CTNNA3: variants seen among roughly 807,000 people sequenced by gnomAD.
CTNNA3 encodes catenin alpha 3.
A neutral mutation model predicts 95.7 loss-of-function variants in CTNNA3; 76 were observed. The ratio of observed to expected loss-of-function variants is 0.79; its 90% CI spans 0.66 to 0.96. The LOEUF is 0.96. Among genes scored for constraint, CTNNA3 ranks in the 40% least tolerant of loss-of-function variants. The probability of loss-of-function intolerance (pLI) is 0.00; values close to 1 mark genes in which losing one functional copy is unlikely to be tolerated. For missense variants in CTNNA3, 1,191 were observed against 1,089.8 expected, an observed-to-expected ratio of 1.09 and a Z score of -1.31; for synonymous variants, 431 against 374.4, an observed-to-expected ratio of 1.15 and a Z score of -1.74.
chr10:66,076,193 G>A (rs947946225), intron 14 of CTNNA3, among the ~76,000 whole-genome samples: 3 of 151,542 alleles, frequency 2.0e-5, no homozygotes, highest in African/African-American at 4.8e-5. Flanking sequence ...TGACATGTAC[G>A]TGTTTTCTTA....
intron 3 of CTNNA3, among the ~76,000 whole-genome samples, chr10:67,579,576 G>C (rs945086436): frequency 5.3e-5 from 8 of 152,116 alleles, no homozygotes; most frequent in African/African-American, 1.7e-4. Context: ...CCCAGTAATG[G>C]GGTCACTGGG....
chr10:66,959,348 T>C (rs889869406), intron 7 of CTNNA3, among the ~76,000 whole-genome samples: 1 of 152,202 alleles, frequency 6.6e-6, no homozygotes, highest in African/African-American at 2.4e-5. Context: ...AGGATTTCTA[T>C]TTTTATTCCT....
chr10:66,244,333 G>A (rs2090222955), intron 13 of CTNNA3, among the ~76,000 whole-genome samples: 1 of 152,228 alleles, frequency 6.6e-6, no homozygotes, highest in Non-Finnish European at 1.5e-5. Flanking sequence ...CCACCCGGAA[G>A]GGAAGGACAT....
chr10:66,402,651 T>C (rs2093029624), intron 11 of CTNNA3, among the ~76,000 whole-genome samples: 1 of 152,198 alleles, frequency 6.6e-6, no homozygotes, highest in Admixed American at 6.5e-5. Context: ...ATGGAAATTC[T>C]AGGAACCTAG....
At chr10:66,018,257 C>T (rs534913642) in intron 15 of CTNNA3, among the ~76,000 whole-genome samples, 7 of 148,252 alleles carry the variant, frequency 4.7e-5, no homozygotes, top group Non-Finnish European at 8.9e-5. Context: ...GCAGAAGTAT[C>T]GAGTATATAA....
At chr10:67,032,014 T>C (rs527673436) in intron 7 of CTNNA3, among the ~76,000 whole-genome samples, 1 of 152,332 alleles carries the variant, frequency 6.6e-6, no homozygotes, top group South Asian at 2.1e-4. Flanking sequence ...ATAAAATGGT[T>C]TATGGCCATG....
chr10:66,719,040 A>C (rs1227729352), intron 9 of CTNNA3, among the ~76,000 whole-genome samples: 5 of 152,150 alleles, frequency 3.3e-5, no homozygotes, highest in African/African-American at 1.2e-4. Context: ...CTTTGACTTC[A>C]GTGTATCAAA....
rs530192797 is a variant in CTNNA3, at chr10:66,827,052, C to T, written c.1048-51528G>A. On this transcript the variant is annotated intron_variant, in intron 7 of 17. Transcript: ENST00000433211. The stretch of plus-strand genomic sequence containing the variant: ...CTTGACCAGCACCTGCAGCATCAAC[C>T]TTGGCTATGGAGAACTGGTGCATAA... Among the ~76,000 whole-genome samples the T allele has an allele frequency of 6.6e-5, 10 of 152,216 alleles. No homozygotes were observed. In the South Asian group the frequency reaches 2.1e-3, roughly 32 times the overall value.
intron 10 of CTNNA3, among the ~76,000 whole-genome samples, chr10:66,603,147 C>G (rs551788013): frequency 1.3e-5 from 2 of 152,134 alleles, no homozygotes; most frequent in African/African-American, 4.8e-5. Flanking sequence ...GGAAGAAAGT[C>G]TAATTATCCT....
At chr10:66,135,402 G>T (rs939198670) in intron 13 of CTNNA3, among the ~76,000 whole-genome samples, 8 of 152,002 alleles carry the variant, frequency 5.3e-5, no homozygotes, top group African/African-American at 1.9e-4. Context: ...AAAATGTTTG[G>T]GACAAATTAG....
intron 5 of CTNNA3, among the ~76,000 whole-genome samples, chr10:67,396,762 T>C (rs539702099): frequency 6.7e-6 from 1 of 149,984 alleles, no homozygotes; most frequent in African/African-American, 2.5e-5. Context: ...CCATGTGTCA[T>C]GGGAGGGACA....
chr10:67,386,809 T>C (rs538316058), intron 5 of CTNNA3, among the ~76,000 whole-genome samples: 2 of 152,294 alleles, frequency 1.3e-5, no homozygotes, highest in South Asian at 4.2e-4. Context: ...GACTGATAAT[T>C]ACCTTAAGAA....
At chr10:66,234,303 T>C (rs1476149202) in intron 13 of CTNNA3, among the ~76,000 whole-genome samples, 1 of 152,318 alleles carries the variant, frequency 6.6e-6, no homozygotes, top group African/African-American at 2.4e-5. Context: ...AAATCAGGTA[T>C]GGTTCTTCAA....
At chr10:66,878,448 C>A (rs1427696228) in intron 7 of CTNNA3, among the ~76,000 whole-genome samples, 1 of 152,096 alleles carries the variant, frequency 6.6e-6, no homozygotes, top group African/African-American at 2.4e-5. Context: ...CAGCACGCTG[C>A]CAGTATTCAC....
intron 13 of CTNNA3, among the ~76,000 whole-genome samples, chr10:66,228,521 T>A (rs2089434628): frequency 6.6e-6 from 1 of 152,122 alleles, no homozygotes; most frequent in Non-Finnish European, 1.5e-5. Context: ...TGTTATTTTT[T>A]AAAAATACCT....
intron 10 of CTNNA3, among the ~76,000 whole-genome samples, chr10:66,533,326 C>CT (rs1236132576): frequency 6.6e-6 from 1 of 152,102 alleles, no homozygotes; most frequent in Non-Finnish European, 1.5e-5. Context: ...CTCACGAAAA[C>CT]TTTATTAAAT....
At chr10:66,208,356 T>C (rs1353712389) in intron 13 of CTNNA3, among the ~76,000 whole-genome samples, 2 of 152,150 alleles carry the variant, frequency 1.3e-5, no homozygotes, top group Admixed American at 1.3e-4. Flanking sequence ...CAACCTCAGA[T>C]GATTTTAGCA....
intron 13 of CTNNA3, among the ~76,000 whole-genome samples, chr10:66,224,953 A>G (rs2089190487): frequency 6.6e-6 from 1 of 152,130 alleles, no homozygotes; most frequent in African/African-American, 2.4e-5. Context: ...ACAAAATAAT[A>G]TTTCAATACA....
chr10:67,178,302 C>T (rs1862340081), intron 7 of CTNNA3, among the ~76,000 whole-genome samples: 1 of 152,062 alleles, frequency 6.6e-6, no homozygotes, highest in South Asian at 2.1e-4. Context: ...ATAAAAATAA[C>T]CTTTCATAGG....
Sources: gnomAD v4.1 joint callset for allele counts (sites outside exome capture counted in the v4.1 genomes callset) on GRCh38, gnomAD v4.1.1 for gene constraint, MANE v1.5 for transcripts, NCBI Gene and HGNC (gene_info 2026-07-23, HGNC 2026-07-21) for gene names.